Variants in MTUS2 observed in about 807,000 individuals in gnomAD.
MTUS2 encodes the protein microtubule associated scaffold protein 2.
A neutral mutation model predicts 114.1 loss-of-function variants in MTUS2; 40 were observed. That is an observed-to-expected ratio of 0.35 (90% CI 0.27 to 0.46). The LOEUF is 0.46. Among genes scored for constraint, MTUS2 ranks in the 20% least tolerant of loss-of-function variants. MTUS2 has a pLI of 1.00. For missense variants in MTUS2, 1,679 were observed against 1,705.4 expected (o/e 0.98, Z 0.27); for synonymous variants, 688 against 672.0 (o/e 1.02, Z -0.37).
chr13:29,063,480 A>G (rs564636425), intron 4 of MTUS2, among the ~76,000 whole-genome samples: 6 of 152,328 alleles, frequency 3.9e-5, no homozygotes, highest in East Asian at 3.9e-4. Flanking sequence ...GAGAAATTCA[A>G]TCGTGTAAGA....
At chr13:29,414,544 A>G (rs879856639) in intron 8 of MTUS2, among the ~76,000 whole-genome samples, 7 of 151,142 alleles carry the variant, frequency 4.6e-5, no homozygotes, top group Non-Finnish European at 7.4e-5. Context: ...TAGTTGTTTA[A>G]TAATTGTTTT....
intron 10 of MTUS2, among the ~76,000 whole-genome samples, chr13:29,486,134 C>G (rs4769754): frequency 0.93 from 141,040 of 152,286 alleles, 65,704 homozygotes; most frequent in East Asian, 1. Context: ...CAGCCTTTCT[C>G]CTGGTGGGTT....
At chr13:28,924,062 G>C (rs557447305) in intron 2 of MTUS2, among the ~76,000 whole-genome samples, 1 of 152,262 alleles carries the variant, frequency 6.6e-6, no homozygotes, top group Non-Finnish European at 1.5e-5. Context: ...TGTATTGTCA[G>C]TAGGATTCCA....
At chr13:29,169,030 C>G (rs2139110716) in intron 5 of MTUS2, among the ~76,000 whole-genome samples, 1 of 152,202 alleles carries the variant, frequency 6.6e-6, no homozygotes, top group African/African-American at 2.4e-5. Flanking sequence ...GATGACTTTT[C>G]TTTTTAGGTT....
chr13:28,825,091 C>A (rs558814491), intron 1 of MTUS2, among the ~76,000 whole-genome samples: 1 of 152,182 alleles, frequency 6.6e-6, no homozygotes, highest in Admixed American at 6.5e-5. Flanking sequence ...CTCATGACAG[C>A]AGCCCCATCC....
intron 5 of MTUS2, among the ~76,000 whole-genome samples, chr13:29,137,584 C>G (rs1460194062): frequency 6.6e-6 from 1 of 151,498 alleles, no homozygotes; most frequent in African/African-American, 2.4e-5. Flanking sequence ...CTTCTTCTTT[C>G]TTCTTTCTCC....
chr13:29,343,726 C>T (rs1282139423), intron 7 of MTUS2, among the ~76,000 whole-genome samples: 1 of 151,704 alleles, frequency 6.6e-6, no homozygotes, highest in Non-Finnish European at 1.5e-5. Flanking sequence ...TCTAGTTTCT[C>T]GAGGTATGAC....
At position 29,031,237 on chromosome 13, in the gene MTUS2, GGT is replaced by G. The variant is rs59288953; in HGVS notation, c.2206-2616_2206-2615del. On this transcript the variant is annotated intron_variant, in intron 3 of 15. Coordinates refer to ENST00000612955, the MANE Select transcript of MTUS2 (RefSeq NM_001033602.4). ...GTTTGCCAGACAAATAGAACTAATAGGTGTGTGTGTGTGTGTGTGTGTGTGTG... is the reference window on the plus strand; with the variant it reads ...GTTTGCCAGACAAATAGAACTAATAGGTGTGTGTGTGTGTGTGTGTGTGTG... 1.8e-3 allele frequency among the ~76,000 whole-genome samples: 220 copies of G among 122,954 alleles called. 1 individual carries two copies. Among genetic ancestry groups the G allele is most frequent in the East Asian group, 6.6e-3 (29 of 4,374 alleles). The allele number at this position is 122,954 out of a possible 152,430, so 80.7% of individuals were successfully genotyped here.
chr13:29,026,518 A>G lies in MTUS2; in HGVS notation c.1820A>G (p.Asp607Gly). The change falls in exon 3 of 16, where the codon GAC becomes GGC. Residue 607 changes from aspartate (D) to glycine (G), a missense_variant. By Grantham distance (94) the Asp-to-Gly change is moderately conservative. Around this residue, in one of 3 missense-constraint regions of MTUS2, gnomAD observed 843 missense variants for 770.8 expected, o/e 1.09. Transcript: ENST00000612955. The stretch of plus-strand genomic sequence containing the variant: ...AAGCCTGTCTTCACACATTCCAAGG[A>G]CACACCTTCCTCGCAGGAGGGAATG... ...IPKPVFTHSK[D>G]TPSSQEGMEN... 3 of 1,613,962 alleles carry G rather than the reference A, an allele frequency of 1.9e-6. No individual in the cohort carries two copies. Among genetic ancestry groups the G allele is most frequent in the Non-Finnish European group, 2.5e-6 (3 of 1,179,882 alleles).
chr13:28,984,348 C>A (rs1414852380), intron 2 of MTUS2, among the ~76,000 whole-genome samples: 1 of 152,206 alleles, frequency 6.6e-6, no homozygotes, highest in Admixed American at 6.5e-5. Flanking sequence ...TTCCTTTCTT[C>A]CTTCTGGGGG....
At chr13:29,185,265 C>T (rs772181829) in intron 5 of MTUS2, among the ~76,000 whole-genome samples, 1 of 152,016 alleles carries the variant, frequency 6.6e-6, no homozygotes, top group Non-Finnish European at 1.5e-5. Context: ...AAAAGATGAA[C>T]AGAGCCTCAA....
At chr13:29,197,302 T>C (rs975518274) in intron 5 of MTUS2, among the ~76,000 whole-genome samples, 1 of 152,156 alleles carries the variant, frequency 6.6e-6, no homozygotes, top group African/African-American at 2.4e-5. Context: ...CTCCCACTTA[T>C]GAGTGAGAAC....
intron 2 of MTUS2, among the ~76,000 whole-genome samples, chr13:28,851,308 A>C (rs1318714260): frequency 6.6e-6 from 1 of 152,262 alleles, no homozygotes; most frequent in Admixed American, 6.5e-5. Flanking sequence ...TTTAAATGCC[A>C]TTATGTAAGC....
At chr13:28,974,034 T>G (rs1157896878) in intron 2 of MTUS2, among the ~76,000 whole-genome samples, 1 of 152,070 alleles carries the variant, frequency 6.6e-6, no homozygotes, top group Admixed American at 6.5e-5. Context: ...TCTTCACTCC[T>G]TCAGACGTAT....
At chr13:29,319,058 T>C (rs1255224057) in intron 6 of MTUS2, among the ~76,000 whole-genome samples, 4 of 152,200 alleles carry the variant, frequency 2.6e-5, no homozygotes, top group African/African-American at 9.7e-5. Context: ...CATTCTTTCA[T>C]GTAGCTCTGA....
intron 10 of MTUS2, among the ~76,000 whole-genome samples, chr13:29,487,019 CATGAAA>C (rs1451616904): frequency 2.0e-5 from 3 of 152,172 alleles, no homozygotes; most frequent in Non-Finnish European, 4.4e-5. Flanking sequence ...GGTCAGGAAA[CATGAAA>C]ATGAAGAATC....
chr13:28,932,949 CA>C (rs1483617885), intron 2 of MTUS2, among the ~76,000 whole-genome samples: 2 of 151,936 alleles, frequency 1.3e-5, no homozygotes, highest in East Asian at 3.9e-4. Flanking sequence ...GATATACATC[CA>C]AAATAAAGGG....
chr13:29,252,387 C>T lies in MTUS2; in HGVS notation c.2645-29317C>T, dbSNP rs760449876. On this transcript the variant is annotated intron_variant, in intron 5 of 15. Transcript: ENST00000612955. ...AATGATAATAAGATGTACCCATAAC[C>T]CTTTTGGCCTCATCCTGATAGTTAA... 2.6e-5 allele frequency among the ~76,000 whole-genome samples: 4 copies of T among 152,072 alleles called. No individual in the cohort carries two copies. In the East Asian group the frequency reaches 7.7e-4, roughly 29 times the overall value.
At chr13:29,154,511 G>A (rs917426562) in intron 5 of MTUS2, among the ~76,000 whole-genome samples, 5 of 152,136 alleles carry the variant, frequency 3.3e-5, no homozygotes, top group Admixed American at 2.6e-4. Flanking sequence ...AGTGTGTCGG[G>A]AATCAATTTC....
Sources: allele counts gnomAD v4.1 joint callset (sites outside exome capture counted in the v4.1 genomes callset), GRCh38; gene constraint gnomAD v4.1.1; regional missense constraint gnomAD v4.1.1; transcripts MANE v1.5; gene names NCBI Gene and HGNC (gene_info 2026-07-23, HGNC 2026-07-21).